The following PADI3 variants were observed in gnomAD, a reference collection of about 807,000 sequenced individuals.
PADI3 encodes the protein peptidyl arginine deiminase 3.
In PADI3, 53 loss-of-function variants were observed where a neutral mutation model predicts 71.5. That is an observed-to-expected ratio of 0.74 (90% CI 0.59 to 0.93). PADI3 has a LOEUF of 0.93. Ranked by LOEUF, PADI3 falls within the 40% of genes least tolerant of loss-of-function variation. The pLI is 0.00. For missense variants in PADI3, 821 were observed against 868.0 expected (o/e 0.95, Z 0.68); for synonymous variants, 361 against 347.5 (o/e 1.04, Z -0.43).
chr1:17,267,638 G>C (rs77917278), intron 5 of PADI3, among the ~76,000 whole-genome samples, 199 bp from the exon 6 acceptor site: 7,001 of 152,294 alleles, frequency 0.046, 221 homozygotes, highest in Non-Finnish European at 0.07. Flanking sequence ...GTTTCTCTGG[G>C]CAATTGAGGA....
In PADI3 at chr1:17,281,134, C is replaced by T. The variant is rs1051012940; in HGVS notation, c.1761+338C>T. Reference sequence around the variant, plus strand: ...GATGCTCATTCTGCTCTCTTCCTCCCAGCTTGTGGCTCTTCATCCATCCCA... The same window carrying T: ...GATGCTCATTCTGCTCTCTTCCTCCTAGCTTGTGGCTCTTCATCCATCCCA... On this transcript the variant is annotated intron_variant, in intron 15 of 15. Transcript: ENST00000375460. Among the ~76,000 whole-genome samples, 5 of 152,250 alleles carry T rather than the reference C, an allele frequency of 3.3e-5. No homozygotes were observed. The South Asian group carries it at 1.0e-3, about 31-fold the overall frequency.
chr1:17,283,308 T>A lies in PADI3; in HGVS notation c.*229T>A. On this transcript the variant is annotated 3_prime_UTR_variant, in exon 16 of 16. Coordinates refer to ENST00000375460, the MANE Select transcript of PADI3 (RefSeq NM_016233.2). ...TCTCGGCCCCCCAAAAAGAAGGACC[T>A]CATTTCTTATAGCCTCTCCTGTGAT... 1.9e-6 allele frequency: 1 copy of A among 537,210 alleles called. No individual in the cohort carries two copies. The highest frequency in any genetic ancestry group is 3.3e-6 in the Non-Finnish European group (1 of 299,236). 33.3% of individuals were successfully genotyped at this position (537,210 alleles called of 1,614,324 possible).
At chr1:17,264,659 A>G (rs1214255146) in intron 3 of PADI3, among the ~76,000 whole-genome samples, 2 of 152,050 alleles carry the variant, frequency 1.3e-5, no homozygotes, top group African/African-American at 4.8e-5. Context: ...GCCCTATGCT[A>G]TGTTTGTGAG....
chr1:17,270,209 G>A, intron 6 of PADI3, 24 bp from the exon 7 acceptor site: 21 of 1,594,974 alleles, frequency 1.3e-5, no homozygotes, highest in Non-Finnish European at 1.8e-5. Flanking sequence ...GGGAGTCACA[G>A]CCACCCCGTC....
Position 17,271,077 on chromosome 1 carries a change from A to G in PADI3, c.946A>G (p.Asn316Asp). The G allele has an allele frequency of 6.2e-7, 1 of 1,614,070 alleles. No individual in the cohort carries two copies. Among genetic ancestry groups the G allele is most frequent in the Non-Finnish European group, 8.5e-7 (1 of 1,179,992 alleles). The change falls in exon 9 of 16, where the codon AAC (asparagine) becomes GAC (aspartate). Residue 316 changes from asparagine to aspartate, a missense_variant. Transcript: ENST00000375460. ...TGGGCTTGTCCGTAGTGTGAGGAACAACACGTGTTTTGTGGATGCGGTGGC... is the reference window on the plus strand; with the variant it reads ...TGGGCTTGTCCGTAGTGTGAGGAACGACACGTGTTTTGTGGATGCGGTGGC... Reference protein sequence around the residue: ...LEVYVCRVRNNTCFVDAVAEL... With the variant: ...LEVYVCRVRNDTCFVDAVAEL...
chr1:17,271,157 C>T lies in PADI3; in HGVS notation c.1026C>T (p.Asn342=). The change falls in exon 9 of 16, where the codon AAC becomes AAT. Residue 342 remains asparagine, a synonymous_variant. Transcript: ENST00000375460. ...CKLTICPQAE[N]RNDRWIQDEM... ...TGACCATCTGCCCACAGGCCGAGAACCGCAACGACCGCTGGATCCAGGTAA... is the reference window on the plus strand; with the variant it reads ...TGACCATCTGCCCACAGGCCGAGAATCGCAACGACCGCTGGATCCAGGTAA... The T allele has an allele frequency of 6.2e-7, 1 of 1,613,246 alleles. No individual in the cohort carries two copies. Among genetic ancestry groups the T allele is most frequent in the Non-Finnish European group, 8.5e-7 (1 of 1,179,968 alleles).
chr1:17,277,514 G>T (rs192795252), intron 13 of PADI3, among the ~76,000 whole-genome samples: 1 of 152,182 alleles, frequency 6.6e-6, no homozygotes, highest in Non-Finnish European at 1.5e-5. Context: ...TCTTAATTCT[G>T]TTTTGTGAGG....
chr1:17,252,506 C>A (rs1250631662), intron 1 of PADI3, among the ~76,000 whole-genome samples: 1 of 151,188 alleles, frequency 6.6e-6, no homozygotes, highest in Non-Finnish European at 1.5e-5. Context: ...CAGGATCAAG[C>A]TATCCTCCCG....
At chr1:17,263,564 T>C (rs1418309925) in intron 3 of PADI3, among the ~76,000 whole-genome samples, 2 of 152,182 alleles carry the variant, frequency 1.3e-5, no homozygotes, top group African/African-American at 4.8e-5. Context: ...AGAATATCTT[T>C]GTACCCTCAA....
At chr1:17,267,793 G>T (rs764459689) in intron 5 of PADI3, 44 bp from the exon 6 acceptor site, 2 of 1,606,316 alleles carry the variant, frequency 1.2e-6, no homozygotes, top group South Asian at 2.2e-5. Flanking sequence ...GGGGCCAGGG[G>T]CCAGGACTCC....
At chr1:17,268,886 CTTTTTT>C (rs34487635) in intron 6 of PADI3, among the ~76,000 whole-genome samples, 1 of 132,600 alleles carries the variant, frequency 7.5e-6, no homozygotes. Flanking sequence ...CTAAATCTGA[CTTTTTT>C]TTTTTTTTTT....
At position 17,272,210 on chromosome 1, in the gene PADI3, C is replaced by T. The variant is rs113977844; in HGVS notation, c.1047+1032C>T. On this transcript the variant is annotated intron_variant, in intron 9 of 15. Transcript: ENST00000375460. ...AGGCTGTACAGGTTGGTGGTCCTGG[C>T]AGAGACCGAGCATGCGCAAAGGCCC... Among the ~76,000 whole-genome samples, 249 of 152,266 alleles carry T rather than the reference C, an allele frequency of 1.6e-3. 1 individual carries two copies. The highest frequency in any genetic ancestry group is 2.3e-3 in the Non-Finnish European group (159 of 68,022).
chr1:17,267,604 C>A (rs1056250788), intron 5 of PADI3, among the ~76,000 whole-genome samples: 2 of 151,850 alleles, frequency 1.3e-5, no homozygotes, highest in African/African-American at 4.8e-5. Flanking sequence ...GTGTCAGACA[C>A]CAGCTGGCTA....
intron 7 of PADI3, 44 bp downstream of exon 7, chr1:17,270,455 C>A: frequency 1.3e-6 from 2 of 1,551,234 alleles, no homozygotes; most frequent in South Asian, 1.2e-5. Context: ...TCGGGACCAG[C>A]CTGGGCAACA....
intron 11 of PADI3, among the ~76,000 whole-genome samples, chr1:17,275,285 AAATT>A (rs1176107615): frequency 6.6e-6 from 1 of 151,652 alleles, no homozygotes; most frequent in African/African-American, 2.4e-5. Context: ...AAAAAAAAAA[AAATT>A]AGCCAGGCGT....
At chr1:17,257,501 T>G (rs940933028) in intron 1 of PADI3, among the ~76,000 whole-genome samples, 13 of 152,228 alleles carry the variant, frequency 8.5e-5, no homozygotes, top group African/African-American at 2.4e-4. Flanking sequence ...CCAACTGAGC[T>G]TTCTGTATTT....
At chr1:17,258,810 T>C (rs897737070) in intron 1 of PADI3, among the ~76,000 whole-genome samples, 1 of 152,242 alleles carries the variant, frequency 6.6e-6, no homozygotes, top group African/African-American at 2.4e-5. Context: ...TTCAAGGATA[T>C]CTTCCCACCC....
At chr1:17,282,248 G>A (rs2073410920) in intron 15 of PADI3, among the ~76,000 whole-genome samples, 1 of 152,172 alleles carries the variant, frequency 6.6e-6, no homozygotes, top group Non-Finnish European at 1.5e-5. Context: ...AAGGACACCA[G>A]AAACCTGAGG....
chr1:17,266,675 T>C, intron 4 of PADI3, 44 bp from the exon 5 acceptor site: 1 of 1,506,256 alleles, frequency 6.6e-7, no homozygotes, highest in African/African-American at 1.4e-5. Flanking sequence ...GAGGCACAGG[T>C]CTCATCTGAG....
Sources: gnomAD v4.1 joint callset for allele counts (sites outside exome capture counted in the v4.1 genomes callset) on GRCh38, gnomAD v4.1.1 for gene constraint, MANE v1.5 for transcripts, NCBI Gene and HGNC (gene_info 2026-07-23, HGNC 2026-07-21) for gene names.